TAFA1: variants seen among roughly 807,000 people sequenced by gnomAD.
TAFA1 encodes the protein TAFA chemokine like family member 1, also known as chemokine-like protein TAFA-1.
A neutral mutation model predicts 18.5 loss-of-function variants in TAFA1; 4 were observed. That is an observed-to-expected ratio of 0.22 (90% CI 0.11 to 0.49). The LOEUF is 0.49. Ranked by LOEUF, TAFA1 falls within the 20% of genes least tolerant of loss-of-function variation. The probability of loss-of-function intolerance (pLI) is 0.98; values close to 1 mark genes in which losing one functional copy is unlikely to be tolerated. For missense variants in TAFA1, 147 were observed against 169.0 expected, an observed-to-expected ratio of 0.87 and a Z score of 0.72; for synonymous variants, 56 against 55.2, an observed-to-expected ratio of 1.01 and a Z score of -0.06.
In TAFA1 at chr3:68,293,000, A is replaced by C. The variant is rs555559424; in HGVS notation, c.119-124280A>C. 4.9e-4 allele frequency among the ~76,000 whole-genome samples: 75 copies of C among 152,138 alleles called. 1 individual carries two copies. In the South Asian group the frequency reaches 0.015, roughly 30 times the overall value. Reference sequence around the variant, plus strand: ...ATGAATTCTCAAAAGCTACGTATTCAATCCTGTACCTTTTTTAGACTGTTA... The same window carrying C: ...ATGAATTCTCAAAAGCTACGTATTCCATCCTGTACCTTTTTTAGACTGTTA... On this transcript the variant is annotated intron_variant, in intron 2 of 4. Transcript: ENST00000478136.
At chr3:68,012,377 T>C (rs1403963730) in intron 2 of TAFA1, among the ~76,000 whole-genome samples, 1 of 152,168 alleles carries the variant, frequency 6.6e-6, no homozygotes, top group Non-Finnish European at 1.5e-5. Context: ...AAATAAATCA[T>C]AGCACATCCA....
At chr3:68,181,378 CA>C (rs572609783) in intron 2 of TAFA1, among the ~76,000 whole-genome samples, 2,193 of 80,198 alleles carry the variant, frequency 0.027, 19 homozygotes, top group Middle Eastern at 0.046. Context: ...CTAGAACATA[CA>C]AAAAAAAAAA....
intron 2 of TAFA1, among the ~76,000 whole-genome samples, chr3:68,377,655 G>A (rs553295892): frequency 1.3e-5 from 2 of 152,262 alleles, no homozygotes; most frequent in East Asian, 3.9e-4. Context: ...AACACAATGG[G>A]GAAAATGTCT....
At chr3:68,032,727 GC>G (rs1339097641) in intron 2 of TAFA1, among the ~76,000 whole-genome samples, 2 of 151,958 alleles carry the variant, frequency 1.3e-5, no homozygotes, top group Non-Finnish European at 2.9e-5. Flanking sequence ...GGAACCTCAA[GC>G]CGTTTCTTGT....
intron 3 of TAFA1, among the ~76,000 whole-genome samples, chr3:68,530,803 AT>A (rs575008329): frequency 3.3e-5 from 5 of 152,150 alleles, no homozygotes; most frequent in South Asian, 2.1e-4. Flanking sequence ...TCTTGCTTGA[AT>A]TTTTTTTAAA....
chr3:68,102,503 C>A (rs1253723688), intron 2 of TAFA1, among the ~76,000 whole-genome samples: 2 of 152,120 alleles, frequency 1.3e-5, no homozygotes, highest in Non-Finnish European at 2.9e-5. Flanking sequence ...CGTTAAAATG[C>A]ACAGAAGGCT....
At chr3:68,389,270 ACATTTT>A (rs2070173635) in intron 2 of TAFA1, among the ~76,000 whole-genome samples, 1 of 152,200 alleles carries the variant, frequency 6.6e-6, no homozygotes, top group Non-Finnish European at 1.5e-5. Context: ...TTCTAGGCTC[ACATTTT>A]TTACCAGAGG....
chr3:68,301,569 G>T (rs888543597), intron 2 of TAFA1, among the ~76,000 whole-genome samples: 1 of 152,134 alleles, frequency 6.6e-6, no homozygotes, highest in Admixed American at 6.6e-5. Context: ...GAGTAAAGTG[G>T]CCCCCTGTCT....
At chr3:68,284,994 G>A (rs900991778) in intron 2 of TAFA1, among the ~76,000 whole-genome samples, 4 of 152,012 alleles carry the variant, frequency 2.6e-5, no homozygotes, top group African/African-American at 7.2e-5. Context: ...AGGCTGAGGT[G>A]GGAGGATCAC....
chr3:68,467,048 TTC>T (rs2071900580), intron 3 of TAFA1, among the ~76,000 whole-genome samples: 1 of 152,174 alleles, frequency 6.6e-6, no homozygotes, highest in African/African-American at 2.4e-5. Context: ...TCAGCGATAT[TTC>T]TCTTACCCAT....
chr3:68,112,178 G>T (rs1469374906), intron 2 of TAFA1, among the ~76,000 whole-genome samples: 1 of 152,098 alleles, frequency 6.6e-6, no homozygotes, highest in African/African-American at 2.4e-5. Flanking sequence ...TGGTCAGTGG[G>T]CCCCTCCCAA....
intron 3 of TAFA1, among the ~76,000 whole-genome samples, chr3:68,424,393 A>G (rs1259440361): frequency 1.3e-5 from 2 of 152,048 alleles, no homozygotes; most frequent in Non-Finnish European, 2.9e-5. Flanking sequence ...TAATACATCT[A>G]TCCATAAAAT....
chr3:68,293,206 A>C (rs960962443), intron 2 of TAFA1, among the ~76,000 whole-genome samples: 1 of 152,164 alleles, frequency 6.6e-6, no homozygotes, highest in Non-Finnish European at 1.5e-5. Context: ...GGGAAAAATA[A>C]TCATATGCTG....
At chr3:68,010,367 T>G (rs527348126) in intron 2 of TAFA1, among the ~76,000 whole-genome samples, 65 of 152,318 alleles carry the variant, frequency 4.3e-4, no homozygotes, top group South Asian at 8.3e-4. Flanking sequence ...TGACGTGATG[T>G]TCCCCTCGTT....
rs147054386 is a variant in TAFA1 at position 68,225,232 on chromosome 3, T to C, written c.119-192048T>C. 3.9e-5 allele frequency among the ~76,000 whole-genome samples: 6 copies of C among 152,156 alleles called. No homozygotes were observed. In the East Asian group the frequency reaches 1.2e-3, roughly 30 times the overall value. On this transcript the variant is annotated intron_variant, in intron 2 of 4. Coordinates refer to ENST00000478136, the MANE Select transcript of TAFA1 (RefSeq NM_213609.4). ...TGGCTCATGGCACTTTATTACTTGT[T>C]TCAGTGTTAGTTTATTTCCCTGTGT...
chr3:68,458,801 T>A (rs940568762), intron 3 of TAFA1, among the ~76,000 whole-genome samples: 13 of 149,900 alleles, frequency 8.7e-5, no homozygotes, highest in African/African-American at 3.2e-4. Context: ...TTTTTTTTTT[T>A]AAACTGTATC....
At chr3:68,123,611 AT>A (rs1559528938) in intron 2 of TAFA1, among the ~76,000 whole-genome samples, 1 of 152,182 alleles carries the variant, frequency 6.6e-6, no homozygotes, top group East Asian at 1.9e-4. Context: ...GGTTGAATCT[AT>A]TTCATTCAGC....
At chr3:68,167,174 G>A (rs1453390819) in intron 2 of TAFA1, among the ~76,000 whole-genome samples, 2 of 152,174 alleles carry the variant, frequency 1.3e-5, no homozygotes, top group African/African-American at 2.4e-5. Flanking sequence ...CAGGTCTGCC[G>A]AATGAAAATG....
At chr3:68,141,827 C>T (rs1198827353) in intron 2 of TAFA1, among the ~76,000 whole-genome samples, 2 of 152,216 alleles carry the variant, frequency 1.3e-5, no homozygotes, top group East Asian at 3.9e-4. Context: ...CGCTTCTCAT[C>T]TCTGATAAGG....
Sources: allele counts gnomAD v4.1 joint callset (sites outside exome capture counted in the v4.1 genomes callset), GRCh38; gene constraint gnomAD v4.1.1; transcripts MANE v1.5; gene names NCBI Gene and HGNC (gene_info 2026-07-23, HGNC 2026-07-21).